The following FRMD5 variants were observed in gnomAD, a reference collection of about 807,000 sequenced individuals.
The protein encoded by FRMD5 is FERM domain containing 5.
A neutral mutation model predicts 69.0 loss-of-function variants in FRMD5; 20 were observed. The observed-to-expected ratio is 0.29, with a 90% CI of 0.20 to 0.42. The LOEUF is 0.42. FRMD5 is among the 10% of genes least tolerant of loss of function. The pLI, the probability that FRMD5 is intolerant of heterozygous loss-of-function variation, is 1.00. For missense variants in FRMD5, 595 were observed against 708.6 expected, an observed-to-expected ratio of 0.84 and a Z score of 1.82; for synonymous variants, 271 against 260.1, an observed-to-expected ratio of 1.04 and a Z score of -0.40.
intron 1 of FRMD5, among the ~76,000 whole-genome samples, chr15:44,019,426 G>C (rs1034964698): frequency 3.3e-5 from 5 of 150,240 alleles, no homozygotes; most frequent in Admixed American, 2.0e-4. Context: ...AATATCTTTG[G>C]CATCCTGTTA....
At chr15:43,879,362 G>T (rs1192569110) in intron 13 of FRMD5, 3 of 396,972 alleles carry the variant, frequency 7.6e-6, no homozygotes, top group Non-Finnish European at 1.3e-5. Context: ...TCCTATATTA[G>T]AAACTGTTTT....
In FRMD5 at chr15:44,192,229, T is replaced by A. The variant is rs557280569; in HGVS notation, c.102+2724A>T. On this transcript the variant is annotated intron_variant, in intron 1 of 13. Coordinates refer to ENST00000417257, the MANE Select transcript of FRMD5 (RefSeq NM_032892.5). ...TTACATCCTAAATGCCAGATCGGAA[T>A]AAATGCTGCATTATGAAAGGATAGA... Among the ~76,000 whole-genome samples the A allele has an allele frequency of 3.0e-4, 45 of 152,238 alleles. No individual in the cohort carries two copies. The South Asian group carries it at 9.1e-3, about 31-fold the overall frequency.
intron 1 of FRMD5, among the ~76,000 whole-genome samples, chr15:44,069,508 A>G (rs887158667): frequency 2.0e-5 from 3 of 152,184 alleles, no homozygotes. Flanking sequence ...CTGTTGATAC[A>G]CTCAACAACC....
At chr15:44,004,296 C>T (rs1890340283) in intron 1 of FRMD5, among the ~76,000 whole-genome samples, 1 of 152,148 alleles carries the variant, frequency 6.6e-6, no homozygotes, top group South Asian at 2.1e-4. Context: ...GTGTACATAT[C>T]AGTACAAGCA....
intron 1 of FRMD5, among the ~76,000 whole-genome samples, chr15:44,176,969 T>TAAA (rs56687595): frequency 6.0e-4 from 83 of 137,480 alleles, no homozygotes; most frequent in African/African-American, 2.1e-3. Flanking sequence ...ATAAAATATG[T>TAAA]AAAAAAAAAA....
At chr15:43,885,948 G>A (rs967092754) in intron 10 of FRMD5, among the ~76,000 whole-genome samples, 193 bp from the exon 11 acceptor site, 12 of 152,206 alleles carry the variant, frequency 7.9e-5, no homozygotes, top group African/African-American at 2.4e-4. Flanking sequence ...CTGCCTCAGT[G>A]CCCAGGACTG....
chr15:43,919,420 A>G, intron 4 of FRMD5, 39 bp downstream of exon 4: 1 of 1,574,068 alleles, frequency 6.4e-7, no homozygotes, highest in Non-Finnish European at 8.7e-7. Context: ...TATGCTCTCC[A>G]ACAGGTCCTA....
intron 1 of FRMD5, among the ~76,000 whole-genome samples, chr15:43,979,895 C>T (rs1451656897): frequency 3.9e-5 from 6 of 152,190 alleles, no homozygotes; most frequent in African/African-American, 1.4e-4. Flanking sequence ...ACATAGAAGT[C>T]GGGCGATGCT....
chr15:43,886,888 T>C (rs980458486), intron 10 of FRMD5, among the ~76,000 whole-genome samples: 1 of 152,108 alleles, frequency 6.6e-6, no homozygotes, highest in Non-Finnish European at 1.5e-5. Context: ...TTTTACCGTT[T>C]GATGAGAACA....
chr15:43,912,185 A>C (rs1188371903), intron 4 of FRMD5, among the ~76,000 whole-genome samples: 7 of 152,232 alleles, frequency 4.6e-5, no homozygotes, highest in Admixed American at 2.6e-4. Flanking sequence ...TAACCACAGC[A>C]GGATGGACTG....
At chr15:43,930,206 G>A (rs570216598) in intron 1 of FRMD5, among the ~76,000 whole-genome samples, 9 of 152,168 alleles carry the variant, frequency 5.9e-5, no homozygotes, top group Admixed American at 3.3e-4. Flanking sequence ...CTGCTTAGTC[G>A]TAAACCAATG....
Position 44,166,677 on chromosome 15 carries a change from G to A in FRMD5, c.102+28276C>T, listed in dbSNP as rs111781456. Among the ~76,000 whole-genome samples the A allele has an allele frequency of 4.0e-3, 598 of 151,338 alleles. 5 individuals are homozygous for A. Among genetic ancestry groups the A allele is most frequent in the African/African-American group, 0.013 (555 of 41,190 alleles). ...TGAGCAGCTGTAATCCCAGCTACTC[G>A]GGAGGCTGAGGCAGGAGAATGGTTT... On this transcript the variant is annotated intron_variant, in intron 1 of 13. Coordinates refer to ENST00000417257, the MANE Select transcript of FRMD5 (RefSeq NM_032892.5).
intron 1 of FRMD5, among the ~76,000 whole-genome samples, chr15:44,080,341 A>G (rs1893947507): frequency 6.6e-6 from 1 of 152,086 alleles, no homozygotes; most frequent in Non-Finnish European, 1.5e-5. Flanking sequence ...ATATATAACA[A>G]TGATCAGTTC....
intron 4 of FRMD5, among the ~76,000 whole-genome samples, chr15:43,912,581 A>G (rs181404920): frequency 1.8e-4 from 28 of 152,066 alleles, no homozygotes; most frequent in African/African-American, 6.3e-4. Context: ...AAATTCAGGG[A>G]CTGTACATAT....
intron 1 of FRMD5, among the ~76,000 whole-genome samples, chr15:44,137,726 A>C (rs2077208102): frequency 6.6e-6 from 1 of 152,122 alleles, no homozygotes; most frequent in African/African-American, 2.4e-5. Context: ...CTATAAATGG[A>C]ACAGAAACAG....
chr15:43,951,727 G>A (rs1168217437), intron 1 of FRMD5, among the ~76,000 whole-genome samples: 4 of 152,132 alleles, frequency 2.6e-5, no homozygotes, highest in African/African-American at 9.7e-5. Context: ...AAACTACTTA[G>A]GATAGCTCTT....
At chr15:43,925,956 G>A (rs143232898) in intron 1 of FRMD5, among the ~76,000 whole-genome samples, 1 of 152,070 alleles carries the variant, frequency 6.6e-6, no homozygotes, top group Non-Finnish European at 1.5e-5. Flanking sequence ...TAATTATCTT[G>A]TTGATTTGTT....
intron 1 of FRMD5, among the ~76,000 whole-genome samples, chr15:44,114,286 A>G (rs2076839076): frequency 6.6e-6 from 1 of 152,240 alleles, no homozygotes; most frequent in Non-Finnish European, 1.5e-5. Context: ...TGATTTTGAG[A>G]GACAAATGTT....
intron 1 of FRMD5, among the ~76,000 whole-genome samples, chr15:44,148,755 G>A (rs1010270465): frequency 6.6e-6 from 1 of 152,140 alleles, no homozygotes; most frequent in Non-Finnish European, 1.5e-5. Flanking sequence ...CTATAGTATA[G>A]CATAAACATA....
Sources: allele counts gnomAD v4.1 joint callset (sites outside exome capture counted in the v4.1 genomes callset), GRCh38; gene constraint gnomAD v4.1.1; transcripts MANE v1.5; gene names NCBI Gene and HGNC (gene_info 2026-07-23, HGNC 2026-07-21).